Variants in CAMK1D observed in about 807,000 individuals in gnomAD.
CAMK1D encodes calcium/calmodulin dependent protein kinase ID, also known as calcium/calmodulin-dependent protein kinase type 1D.
CAMK1D carries 9 observed loss-of-function variants against 47.7 expected under a neutral mutation model. The ratio of observed to expected loss-of-function variants is 0.19; its 90% confidence interval spans 0.11 to 0.33. The LOEUF is 0.33. Ranked by LOEUF, CAMK1D falls within the 10% of genes least tolerant of loss-of-function variation. The pLI is 1.00. For synonymous variants in CAMK1D, 184 were observed against 184.9 expected (o/e 0.99, Z 0.04); for missense variants, 291 against 488.7 (o/e 0.60, Z 3.81).
chr10:12,583,607 T>TTTA (rs1554792399), intron 2 of CAMK1D, among the ~76,000 whole-genome samples: 8 of 139,620 alleles, frequency 5.7e-5, no homozygotes, highest in African/African-American at 2.3e-4. Context: ...GTTGTTTTAT[T>TTTA]TTTTTTTTTT....
chr10:12,553,524 G>A (rs950874442), intron 2 of CAMK1D, among the ~76,000 whole-genome samples, 168 bp downstream of exon 2: 1 of 152,138 alleles, frequency 6.6e-6, no homozygotes, highest in African/African-American at 2.4e-5. Flanking sequence ...TAGACCTCTC[G>A]TGTCTTAGAA....
At chr10:12,422,420 C>T (rs757831432) in intron 1 of CAMK1D, among the ~76,000 whole-genome samples, 2 of 152,164 alleles carry the variant, frequency 1.3e-5, no homozygotes, top group African/African-American at 4.8e-5. Context: ...CTCACTAGCT[C>T]TGATTGCAGG....
intron 1 of CAMK1D, among the ~76,000 whole-genome samples, chr10:12,377,052 C>T (rs1838205601): frequency 1.3e-5 from 2 of 152,124 alleles, no homozygotes; most frequent in African/African-American, 4.8e-5. Flanking sequence ...TGAGCCACCG[C>T]ACCCGGCCTT....
intron 4 of CAMK1D, among the ~76,000 whole-genome samples, chr10:12,769,028 A>G (rs1836911756): frequency 6.6e-6 from 1 of 152,220 alleles, no homozygotes; most frequent in Non-Finnish European, 1.5e-5. Context: ...AGGAACAGAC[A>G]AAGGATGAAA....
intron 1 of CAMK1D, among the ~76,000 whole-genome samples, chr10:12,472,004 C>T (rs1415915092): frequency 1.4e-5 from 2 of 147,860 alleles, no homozygotes; most frequent in Non-Finnish European, 3.0e-5. Context: ...CATTGCACTC[C>T]TGCCTGGGAG....
intron 2 of CAMK1D, among the ~76,000 whole-genome samples, chr10:12,590,943 A>T (rs1837976587): frequency 6.6e-6 from 1 of 152,188 alleles, no homozygotes; most frequent in Admixed American, 6.5e-5. Context: ...TGTTTTAGCT[A>T]CCTATTGTGG....
chr10:12,568,722 C>T (rs185879200), intron 2 of CAMK1D, among the ~76,000 whole-genome samples: 1 of 151,986 alleles, frequency 6.6e-6, no homozygotes, highest in African/African-American at 2.4e-5. Context: ...CAAGCAGTGT[C>T]TATGAGTATG....
chr10:12,381,300 T>C (rs1216418825), intron 1 of CAMK1D, among the ~76,000 whole-genome samples: 3 of 152,004 alleles, frequency 2.0e-5, no homozygotes, highest in Admixed American at 6.6e-5. Flanking sequence ...TGGGTAGTGG[T>C]TCTTAAAAAA....
At chr10:12,611,014 A>G (rs1410767534) in intron 2 of CAMK1D, among the ~76,000 whole-genome samples, 1 of 152,198 alleles carries the variant, frequency 6.6e-6, no homozygotes, top group African/African-American at 2.4e-5. Flanking sequence ...TTATGTATTC[A>G]ACCAAGTAAC....
chr10:12,556,826 G>C (rs913171223), intron 2 of CAMK1D, among the ~76,000 whole-genome samples: 2 of 152,328 alleles, frequency 1.3e-5, no homozygotes, highest in East Asian at 1.9e-4. Flanking sequence ...AGAATGGACT[G>C]GGGGGCCAGG....
At chr10:12,817,687 ATTGTTTTGTT>A (rs1019944085) in intron 8 of CAMK1D, among the ~76,000 whole-genome samples, 1 of 151,904 alleles carries the variant, frequency 6.6e-6, no homozygotes, top group African/African-American at 2.4e-5. Flanking sequence ...AATTGTAGCT[ATTGTTTTGTT>A]TTGTTTTGTT....
Position 12,801,354 on chromosome 10 carries a change from T to TATCTATCTTATCTATCTATCTATC in CAMK1D, c.641+10121_641+10122insATCTATCTTATCTATCTATCTATC, listed in dbSNP as rs57429397. On this transcript the variant is annotated intron_variant, in intron 6 of 10. Coordinates refer to ENST00000619168, the MANE Select transcript of CAMK1D (RefSeq NM_153498.4). ...CTATCTATCTATCTATCTATCTATC[T>TATCTATCTTATCTATCTATCTATC]TATCTATCTATCTATCTATCTATCT... is the stretch of plus-strand genomic sequence containing the variant. Among the ~76,000 whole-genome samples the TATCTATCTTATCTATCTATCTATC allele has an allele frequency of 4.2e-3, 280 of 66,436 alleles. 3 individuals are homozygous for TATCTATCTTATCTATCTATCTATC. The highest frequency in any genetic ancestry group is 0.015 in the East Asian group (30 of 2,002). 43.6% of individuals were successfully genotyped at this position (66,436 alleles called of 152,430 possible). A position where few individuals can be genotyped will look rare whatever the true frequency, so the allele number is the denominator to read the frequency against.
chr10:12,481,910 C>T (rs868623647), intron 1 of CAMK1D, among the ~76,000 whole-genome samples: 32 of 152,290 alleles, frequency 2.1e-4, no homozygotes, highest in South Asian at 1.0e-3. Context: ...CCAGGGAGCT[C>T]GGGCCTGCAG....
At chr10:12,824,290 TGGGTTTAGGGA>T (rs1833119237) in intron 8 of CAMK1D, among the ~76,000 whole-genome samples, 164 bp from the exon 9 acceptor site, 1 of 151,692 alleles carries the variant, frequency 6.6e-6, no homozygotes, top group Admixed American at 6.6e-5. Context: ...TTAGAATGGG[TGGGTTTAGGGA>T]ATGGCCAGGT....
At chr10:12,350,422 G>A (rs937728917) in intron 1 of CAMK1D, among the ~76,000 whole-genome samples, 34 of 152,358 alleles carry the variant, frequency 2.2e-4, no homozygotes, top group African/African-American at 7.5e-4. Flanking sequence ...GTGGCCACGC[G>A]AGGATGGAAG....
chr10:12,648,392 C>G (rs575010158), intron 2 of CAMK1D, among the ~76,000 whole-genome samples: 2 of 152,156 alleles, frequency 1.3e-5, no homozygotes, highest in Non-Finnish European at 2.9e-5. Context: ...TTCAGTGCTC[C>G]GCAGGGATAT....
chr10:12,364,210 G>T (rs191653221), intron 1 of CAMK1D, among the ~76,000 whole-genome samples: 231 of 143,770 alleles, frequency 1.6e-3, no homozygotes, highest in Admixed American at 3.3e-3. Context: ...AGAAAGTTAG[G>T]AGTCTCTTGA....
chr10:12,351,466 C>T (rs2131827453), intron 1 of CAMK1D, among the ~76,000 whole-genome samples: 1 of 152,258 alleles, frequency 6.6e-6, no homozygotes, highest in Admixed American at 6.5e-5. Context: ...TGCTTGTCAT[C>T]CAGGACCCGC....
chr10:12,382,185 A>G (rs1838366957), intron 1 of CAMK1D, among the ~76,000 whole-genome samples: 1 of 152,188 alleles, frequency 6.6e-6, no homozygotes, highest in African/African-American at 2.4e-5. Context: ...ACCACCTTTT[A>G]GGGAGAACAG....
Sources: allele counts gnomAD v4.1 joint callset (sites outside exome capture counted in the v4.1 genomes callset), GRCh38; gene constraint gnomAD v4.1.1; transcripts MANE v1.5; gene names NCBI Gene and HGNC (gene_info 2026-07-23, HGNC 2026-07-21).